The following NECAB1 variants were observed in gnomAD, a reference collection of about 807,000 sequenced individuals.
The protein encoded by NECAB1 is N-terminal EF-hand calcium binding protein 1, also known as N-terminal EF-hand calcium-binding protein 1.
In NECAB1, 29 loss-of-function variants were observed where a neutral mutation model predicts 57.5. That is an observed-to-expected ratio of 0.50 (90% CI 0.38 to 0.69). NECAB1 has a LOEUF of 0.69. NECAB1 is among the 30% of genes least tolerant of loss of function. The pLI, the probability that NECAB1 is intolerant of heterozygous loss-of-function variation, is 0.00. For synonymous variants in NECAB1, 142 were observed against 147.7 expected (o/e 0.96, Z 0.28); for missense variants, 372 against 413.8 (o/e 0.90, Z 0.88).
intron 1 of NECAB1, among the ~76,000 whole-genome samples, chr8:90,799,421 T>C (rs1168178722): frequency 6.6e-6 from 1 of 152,202 alleles, no homozygotes; most frequent in Non-Finnish European, 1.5e-5. Flanking sequence ...GGTTTTCTTA[T>C]AGGATTTTTA....
intron 9 of NECAB1, among the ~76,000 whole-genome samples, chr8:90,935,255 TG>T (rs1810507744): frequency 6.6e-6 from 1 of 152,206 alleles, no homozygotes; most frequent in Non-Finnish European, 1.5e-5. Context: ...GTAAGGCTCC[TG>T]CCCATCTGTC....
intron 2 of NECAB1, among the ~76,000 whole-genome samples, chr8:90,814,111 C>G (rs1055335874): frequency 6.6e-6 from 1 of 152,184 alleles, no homozygotes; most frequent in African/African-American, 2.4e-5. Flanking sequence ...AACAGTTTCT[C>G]AGACTTTCTT....
intron 4 of NECAB1, among the ~76,000 whole-genome samples, chr8:90,873,309 T>C (rs1011717292): frequency 2.6e-5 from 4 of 152,204 alleles, no homozygotes; most frequent in Admixed American, 6.5e-5. Context: ...TTGTTAGTTA[T>C]GAAATACCAA....
At chr8:90,809,541 T>C (rs1811915726) in intron 2 of NECAB1, among the ~76,000 whole-genome samples, 1 of 152,188 alleles carries the variant, frequency 6.6e-6, no homozygotes, top group African/African-American at 2.4e-5. Context: ...TGGTAATTAA[T>C]TGGAAGTGTT....
intron 3 of NECAB1, among the ~76,000 whole-genome samples, chr8:90,837,227 G>T (rs150095138): frequency 6.6e-6 from 1 of 152,182 alleles, no homozygotes; most frequent in Non-Finnish European, 1.5e-5. Context: ...TATAGATGGG[G>T]CAGTAAAATC....
chr8:90,886,810 T>C (rs1239602173), intron 5 of NECAB1, among the ~76,000 whole-genome samples: 1 of 152,162 alleles, frequency 6.6e-6, no homozygotes, highest in African/African-American at 2.4e-5. Flanking sequence ...TAAAGTAATT[T>C]TGAGAGAATT....
In NECAB1 at chr8:90,916,583, C is replaced by T. The variant is rs1586121018; in HGVS notation, c.358-909C>T. On this transcript the variant is annotated intron_variant, in intron 5 of 12. Transcript: ENST00000417640. ...CAAATAAATCTTTTCCTTGGCTGAA[C>T]TTGAATGTACCATTTCCACTCAAGA... Among the ~76,000 whole-genome samples the T allele has an allele frequency of 2.6e-5, 4 of 152,024 alleles. No individual in the cohort carries two copies. In the South Asian group the frequency reaches 8.4e-4, roughly 32 times the overall value.
rs1246528020 is a variant in NECAB1 at position 90,799,048 on chromosome 8, T to A, written c.100-2643T>A. Among the ~76,000 whole-genome samples the A allele has an allele frequency of 3.3e-5, 5 of 152,336 alleles. 1 individual carries two copies. The East Asian group carries it at 9.6e-4, about 29-fold the overall frequency. On this transcript the variant is annotated intron_variant, in intron 1 of 12. Coordinates refer to ENST00000417640, the MANE Select transcript of NECAB1 (RefSeq NM_022351.5). ...GTGGTTTTGATTTGCATTTCTCTGATGATTAGTGATGTTGAGCATTTTTTC... is the reference window on the plus strand; with the variant it reads ...GTGGTTTTGATTTGCATTTCTCTGAAGATTAGTGATGTTGAGCATTTTTTC...
At chr8:90,880,375 T>C (rs1808814706) in intron 4 of NECAB1, among the ~76,000 whole-genome samples, 1 of 152,170 alleles carries the variant, frequency 6.6e-6, no homozygotes, top group African/African-American at 2.4e-5. Flanking sequence ...TTTCTATAAG[T>C]AAATATAAGA....
intron 4 of NECAB1, among the ~76,000 whole-genome samples, chr8:90,872,956 ATCT>A (rs960409184): frequency 6.6e-5 from 10 of 152,310 alleles, no homozygotes; most frequent in African/African-American, 2.2e-4. Context: ...TTTCCTGAAC[ATCT>A]TCTAATTCTT....
intron 9 of NECAB1, among the ~76,000 whole-genome samples, chr8:90,935,157 A>G (rs542540855): frequency 5.3e-5 from 8 of 152,288 alleles, no homozygotes; most frequent in Admixed American, 4.6e-4. Context: ...ACACATTTAT[A>G]TGAAACCAAG....
At chr8:90,929,336 A>G (rs1810351749) in intron 8 of NECAB1, among the ~76,000 whole-genome samples, 2 of 152,334 alleles carry the variant, frequency 1.3e-5, no homozygotes, top group South Asian at 4.1e-4. Flanking sequence ...TAAAAATTTT[A>G]TTGCAAACAA....
At chr8:90,945,732 A>G (rs1244182648) in intron 10 of NECAB1, among the ~76,000 whole-genome samples, 3 of 152,008 alleles carry the variant, frequency 2.0e-5, no homozygotes, top group African/African-American at 7.3e-5. Context: ...AGCCACATCC[A>G]TTTCCCCCAG....
intron 2 of NECAB1, among the ~76,000 whole-genome samples, chr8:90,820,679 C>CTT (rs10543377): frequency 4.2e-5 from 6 of 142,338 alleles, no homozygotes; most frequent in Non-Finnish European, 4.7e-5. Flanking sequence ...TTTAAATAGT[C>CTT]TTTTTTTTTT....
At chr8:90,954,656 A>G (rs1467471268) in intron 12 of NECAB1, among the ~76,000 whole-genome samples, 1 of 151,922 alleles carries the variant, frequency 6.6e-6, no homozygotes, top group Non-Finnish European at 1.5e-5. Context: ...ACTGGGATAA[A>G]CATTTATAAT....
At chr8:90,891,116 A>G (rs953624227) in intron 5 of NECAB1, among the ~76,000 whole-genome samples, 2 of 152,242 alleles carry the variant, frequency 1.3e-5, no homozygotes, top group Admixed American at 1.3e-4. Flanking sequence ...GAGAAACACA[A>G]TGCATTTTCA....
intron 9 of NECAB1, chr8:90,940,210 G>A (rs1228473809): frequency 6.6e-6 from 1 of 152,576 alleles, no homozygotes. Context: ...AGGGCCTGTT[G>A]TAAGTAGTTA....
rs574451094 is a variant in NECAB1 at position 90,843,430 on chromosome 8, T to C, written c.233+18605T>C. 3.3e-5 allele frequency among the ~76,000 whole-genome samples: 5 copies of C among 152,338 alleles called. No individual in the cohort carries two copies. In the South Asian group the frequency reaches 6.2e-4, roughly 19 times the overall value. ...GAAGGATCTTTTTATGCTTTCTCCT[T>C]CTGTTCTTTTTCTTTAAGTTCTGAA... On this transcript the variant is annotated intron_variant, in intron 3 of 12. Coordinates refer to ENST00000417640, the MANE Select transcript of NECAB1 (RefSeq NM_022351.5).
intron 9 of NECAB1, among the ~76,000 whole-genome samples, chr8:90,937,658 T>G (rs896363262): frequency 6.6e-6 from 1 of 152,124 alleles, no homozygotes; most frequent in Non-Finnish European, 1.5e-5. Context: ...TTCCAGATAT[T>G]TTCTTCATTC....
Sources: allele counts gnomAD v4.1 joint callset (sites outside exome capture counted in the v4.1 genomes callset), GRCh38; gene constraint gnomAD v4.1.1; transcripts MANE v1.5; gene names NCBI Gene and HGNC (gene_info 2026-07-23, HGNC 2026-07-21).